The following USP47 variants were observed in gnomAD, a reference collection of about 807,000 sequenced individuals.
USP47 encodes the protein ubiquitin carboxyl-terminal hydrolase 47.
In USP47, 35 loss-of-function variants were observed where a neutral mutation model predicts 165.1. The ratio of observed to expected loss-of-function variants is 0.21; its 90% CI spans 0.16 to 0.28. The LOEUF is 0.28. Among genes scored for constraint, USP47 ranks in the 10% least tolerant of loss-of-function variants. The pLI, the probability that USP47 is intolerant of heterozygous loss-of-function variation, is 1.00. For synonymous variants in USP47, 531 were observed against 544.5 expected (o/e 0.98, Z 0.35); for missense variants, 1,277 against 1,607.4 (o/e 0.79, Z 3.52).
intron 1 of USP47, among the ~76,000 whole-genome samples, chr11:11,865,277 T>C (rs1181771104): frequency 1.3e-5 from 2 of 152,168 alleles, no homozygotes; most frequent in African/African-American, 2.4e-5. Context: ...TTCCCAGTTC[T>C]GAATGACATG....
chr11:11,864,529 G>A (rs921600590), intron 1 of USP47, among the ~76,000 whole-genome samples: 5 of 150,680 alleles, frequency 3.3e-5, no homozygotes, highest in Non-Finnish European at 7.4e-5. Context: ...TAAATAACTC[G>A]CCATTCCTCT....
intron 24 of USP47, 45 bp downstream of exon 24, chr11:11,950,527 T>C: frequency 8.4e-7 from 1 of 1,196,950 alleles, no homozygotes; most frequent in South Asian, 1.3e-5. Flanking sequence ...AGAAATACTC[T>C]AGAACTAATA....
chr11:11,934,593 G>A (rs1444401297), intron 16 of USP47, among the ~76,000 whole-genome samples: 1 of 152,102 alleles, frequency 6.6e-6, no homozygotes, highest in African/African-American at 2.4e-5. Flanking sequence ...GCTGAGGTGA[G>A]GAGATGCTTG....
At position 11,960,081 on chromosome 11, in the gene USP47, C is replaced by T. The variant is rs189755986; in HGVS notation, c.*3906C>T. Among the ~76,000 whole-genome samples the T allele has an allele frequency of 2.3e-4, 35 of 152,254 alleles. No individual in the cohort carries two copies. The East Asian group carries it at 6.8e-3, about 29-fold the overall frequency. On this transcript the variant is annotated 3_prime_UTR_variant, in exon 28 of 28. Coordinates refer to ENST00000527733, the MANE Select transcript of USP47 (RefSeq NM_001282659.2). ...CACTGGGCAGTGGGCTTATCAAGTG[C>T]TCAGTGCAATCCTGTGACTTTTAAG...
chr11:11,946,619 G>A (rs987872641), intron 20 of USP47, among the ~76,000 whole-genome samples: 1 of 152,072 alleles, frequency 6.6e-6, no homozygotes, highest in Non-Finnish European at 1.5e-5. Context: ...TTCTAATCCG[G>A]TAATTTTTGC....
intron 2 of USP47, among the ~76,000 whole-genome samples, chr11:11,883,778 T>A (rs1356197505): frequency 6.6e-6 from 1 of 152,158 alleles, no homozygotes; most frequent in Non-Finnish European, 1.5e-5. Context: ...GAAATTGCCC[T>A]ACCATATAAG....
chr11:11,946,198 G>A (rs752919593), intron 20 of USP47, among the ~76,000 whole-genome samples: 7 of 152,204 alleles, frequency 4.6e-5, no homozygotes, highest in Non-Finnish European at 1.5e-5. Context: ...TAACTTTGAG[G>A]TTTAAATACT....
At chr11:11,944,718 TCTTTC>T (rs1184598627) in intron 20 of USP47, among the ~76,000 whole-genome samples, 4 of 152,220 alleles carry the variant, frequency 2.6e-5, no homozygotes, top group Non-Finnish European at 5.9e-5. Flanking sequence ...CTACCACTGT[TCTTTC>T]CTTGCATCTT....
intron 14 of USP47, 149 bp from the exon 15 acceptor site, chr11:11,932,855 G>A (rs955895552): frequency 4.2e-5 from 25 of 600,278 alleles, no homozygotes; most frequent in African/African-American, 4.1e-4. Flanking sequence ...GACGAAGCTT[G>A]TATTCCAAGT....
chr11:11,937,573 C>CTT (rs554663366), intron 17 of USP47, among the ~76,000 whole-genome samples: 54 of 133,724 alleles, frequency 4.0e-4, no homozygotes, highest in African/African-American at 5.7e-4. Context: ...CATTTCCTTG[C>CTT]TTTTTTTTTT....
intron 11 of USP47, among the ~76,000 whole-genome samples, chr11:11,927,614 T>C (rs537358296): frequency 9.9e-5 from 15 of 152,270 alleles, no homozygotes; most frequent in Admixed American, 9.8e-4. Flanking sequence ...TCATTTAATC[T>C]GTGTGCCTTT....
At chr11:11,858,304 C>G (rs1590235464) in intron 1 of USP47, among the ~76,000 whole-genome samples, 1 of 151,998 alleles carries the variant, frequency 6.6e-6, no homozygotes, top group African/African-American at 2.4e-5. Context: ...CTATAAAGGC[C>G]ACAGAAACTC....
chr11:11,886,715 C>A (rs1851186457), intron 3 of USP47, among the ~76,000 whole-genome samples: 1 of 152,032 alleles, frequency 6.6e-6, no homozygotes. Context: ...CAAGACAGGC[C>A]AACATTCAAA....
At chr11:11,894,035 A>G (rs900667018) in intron 4 of USP47, among the ~76,000 whole-genome samples, 1 of 152,238 alleles carries the variant, frequency 6.6e-6, no homozygotes, top group African/African-American at 2.4e-5. Context: ...ACCACAATAA[A>G]AAAAATACAA....
intron 24 of USP47, chr11:11,951,619 A>G (rs771676409): frequency 2.0e-5 from 3 of 152,188 alleles, no homozygotes; most frequent in Non-Finnish European, 4.4e-5. Context: ...AAAGTAAAAT[A>G]TGAATTCTGG....
At chr11:11,868,061 T>A (rs956287049) in intron 1 of USP47, among the ~76,000 whole-genome samples, 1 of 152,174 alleles carries the variant, frequency 6.6e-6, no homozygotes, top group African/African-American at 2.4e-5. Context: ...ATAGACAATG[T>A]TTTATTAACT....
rs1264262301 is a variant in USP47 at position 11,960,683 on chromosome 11, A to C, written c.*4508A>C. Reference sequence around the variant, plus strand: ...ATTTCACCCTCCCTTGGTCATCTTTATACAGGGCAATTGTGCTGCTGCTGC... The same window carrying C: ...ATTTCACCCTCCCTTGGTCATCTTTCTACAGGGCAATTGTGCTGCTGCTGC... On this transcript the variant is annotated 3_prime_UTR_variant, in exon 28 of 28. Coordinates refer to ENST00000527733, the MANE Select transcript of USP47 (RefSeq NM_001282659.2). Among the ~76,000 whole-genome samples the C allele has an allele frequency of 6.6e-6, 1 of 152,202 alleles. No homozygotes were observed. The highest frequency in any genetic ancestry group is 1.5e-5 in the Non-Finnish European group (1 of 68,034).
intron 4 of USP47, 79 bp downstream of exon 4, chr11:11,892,185 TA>T: frequency 6.9e-7 from 1 of 1,452,492 alleles, no homozygotes; most frequent in Non-Finnish European, 9.3e-7. Context: ...CTAATCCTCT[TA>T]TTTTATGGAT....
At position 11,933,813 on chromosome 11, in the gene USP47, A is replaced by T. The variant is rs985598930; in HGVS notation, c.1765-18A>T. On this transcript the variant is annotated intron_variant, in intron 15 of 27. Coordinates refer to ENST00000527733, the MANE Select transcript of USP47 (RefSeq NM_001282659.2). ...CTTTGGAACTGCAGAGTTGATGATG[A>T]TATTTTACATTTTCTAGATAAAATT... 5 of 1,545,442 alleles carry T rather than the reference A, an allele frequency of 3.2e-6. No homozygotes were observed. The African/African-American group carries it at 5.5e-5, about 17-fold the overall frequency.
Sources: gnomAD v4.1 joint callset for allele counts (sites outside exome capture counted in the v4.1 genomes callset) on GRCh38, gnomAD v4.1.1 for gene constraint, MANE v1.5 for transcripts, NCBI Gene and HGNC (gene_info 2026-07-23, HGNC 2026-07-21) for gene names.